Variants in RSPO2 observed in about 807,000 individuals in gnomAD.
RSPO2 encodes R-spondin 2.
A neutral mutation model predicts 30.9 loss-of-function variants in RSPO2; 14 were observed. The observed-to-expected ratio is 0.45, with a 90% CI of 0.30 to 0.71. The LOEUF is 0.71. Ranked by LOEUF, RSPO2 falls within the 30% of genes least tolerant of loss-of-function variation. The pLI, the probability that RSPO2 is intolerant of heterozygous loss-of-function variation, is 0.08. For synonymous variants in RSPO2, 107 were observed against 96.4 expected (o/e 1.11, Z -0.64); for missense variants, 264 against 301.9 (o/e 0.87, Z 0.93).
At chr8:107,920,944 T>C (rs1586543500) in intron 5 of RSPO2, among the ~76,000 whole-genome samples, 1 of 152,114 alleles carries the variant, frequency 6.6e-6, no homozygotes, top group African/African-American at 2.4e-5. Context: ...TGGAATGCAA[T>C]AGACAGCTGT....
intron 5 of RSPO2, among the ~76,000 whole-genome samples, chr8:107,925,815 C>T (rs1440192580): frequency 2.0e-5 from 3 of 152,142 alleles, no homozygotes; most frequent in Admixed American, 1.3e-4. Flanking sequence ...TGTTGGACAT[C>T]TGGGTTGGTT....
chr8:107,963,255 C>T (rs1813690335), intron 3 of RSPO2, among the ~76,000 whole-genome samples: 1 of 150,024 alleles, frequency 6.7e-6, no homozygotes, highest in African/African-American at 2.4e-5. Context: ...GACAAGTTGG[C>T]TGGGCATGGT....
intron 2 of RSPO2, among the ~76,000 whole-genome samples, chr8:108,069,212 C>T (rs1262115222): frequency 6.9e-6 from 1 of 145,014 alleles, no homozygotes; most frequent in East Asian, 1.9e-4. Context: ...CACACACACA[C>T]ACACACACAC....
chr8:107,936,401 G>T (rs915585255), intron 5 of RSPO2, among the ~76,000 whole-genome samples: 1 of 152,130 alleles, frequency 6.6e-6, no homozygotes, highest in Non-Finnish European at 1.5e-5. Flanking sequence ...GAATAGTGCT[G>T]CAATAAACAG....
At chr8:107,941,086 A>AC (rs1471550908) in intron 5 of RSPO2, among the ~76,000 whole-genome samples, 7 of 151,094 alleles carry the variant, frequency 4.6e-5, no homozygotes, top group African/African-American at 1.2e-4. Flanking sequence ...CACACATCTT[A>AC]CCCCCCAAAA....
At chr8:107,924,396 G>A (rs1812287074) in intron 5 of RSPO2, among the ~76,000 whole-genome samples, 2 of 152,086 alleles carry the variant, frequency 1.3e-5, no homozygotes, top group Admixed American at 1.3e-4. Context: ...TTTGAAAAGA[G>A]AGAGGAGGGG....
chr8:108,058,540 G>A (rs1291503158), intron 2 of RSPO2, among the ~76,000 whole-genome samples: 1 of 152,144 alleles, frequency 6.6e-6, no homozygotes, highest in Non-Finnish European at 1.5e-5. Context: ...GCATCGCCAA[G>A]TCAATCCTAA....
chr8:107,967,071 T>C (rs1268989040), intron 3 of RSPO2, among the ~76,000 whole-genome samples: 2 of 152,150 alleles, frequency 1.3e-5, no homozygotes, highest in African/African-American at 4.8e-5. Context: ...AAACAGGGCA[T>C]TTATTTAGTC....
rs749398150 is a variant in RSPO2 at position 108,082,653 on chromosome 8, G to A, written c.-15C>T. The A allele has an allele frequency of 1.9e-5, 30 of 1,607,490 alleles. No individual in the cohort carries two copies. The highest frequency in any genetic ancestry group is 1.6e-4 in the Middle Eastern group (1 of 6,070). Reference sequence around the variant, plus strand: ...CGAAACTGCATCTGGGCGGTCGGGCGGGGGAGAGACGCCTCTCAAAGTCTA... The same window carrying A: ...CGAAACTGCATCTGGGCGGTCGGGCAGGGGAGAGACGCCTCTCAAAGTCTA... On this transcript the variant is annotated 5_prime_UTR_variant, in exon 2 of 6. Coordinates refer to ENST00000276659, the MANE Select transcript of RSPO2 (RefSeq NM_178565.5).
At chr8:107,961,727 T>A (rs1239518773) in intron 3 of RSPO2, among the ~76,000 whole-genome samples, 2 of 152,162 alleles carry the variant, frequency 1.3e-5, no homozygotes, top group Non-Finnish European at 2.9e-5. Context: ...ACAAAACTAT[T>A]GTAAGGTTTT....
intron 2 of RSPO2, among the ~76,000 whole-genome samples, chr8:108,065,691 T>C (rs1204042573): frequency 6.6e-6 from 1 of 150,402 alleles, no homozygotes; most frequent in African/African-American, 2.4e-5. Context: ...TACTGTCCCC[T>C]GCCCACAGAA....
At chr8:107,954,831 G>T (rs1012366478) in intron 5 of RSPO2, among the ~76,000 whole-genome samples, 2 of 152,012 alleles carry the variant, frequency 1.3e-5, no homozygotes, top group Non-Finnish European at 2.9e-5. Context: ...GGATGGTCTC[G>T]ATTTATTGAC....
chr8:108,064,495 A>G (rs1330050888), intron 2 of RSPO2, among the ~76,000 whole-genome samples: 1 of 152,214 alleles, frequency 6.6e-6, no homozygotes, highest in Non-Finnish European at 1.5e-5. Flanking sequence ...ACCATTTAGA[A>G]TGGCAATCAT....
chr8:107,938,736 C>T (rs1388617772), intron 5 of RSPO2, among the ~76,000 whole-genome samples: 1 of 152,154 alleles, frequency 6.6e-6, no homozygotes, highest in African/African-American at 2.4e-5. Flanking sequence ...GAAATTTAAA[C>T]ACAACAAAAG....
intron 3 of RSPO2, among the ~76,000 whole-genome samples, chr8:107,963,340 C>G (rs1251863137): frequency 1.3e-5 from 2 of 151,326 alleles, no homozygotes; most frequent in Non-Finnish European, 2.9e-5. Context: ...TCAAGTTCAG[C>G]CTAGGCAACA....
intron 2 of RSPO2, chr8:108,081,839 C>A: frequency 1.1e-6 from 1 of 915,414 alleles, no homozygotes; most frequent in South Asian, 5.0e-5. Context: ...ATGGAGAGAG[C>A]GAAGTGGGGC....
chr8:107,926,469 C>T (rs1441638679), intron 5 of RSPO2, among the ~76,000 whole-genome samples: 2 of 152,078 alleles, frequency 1.3e-5, no homozygotes, highest in Non-Finnish European at 2.9e-5. Flanking sequence ...GACATGAAGT[C>T]CTTGCCCATG....
intron 2 of RSPO2, among the ~76,000 whole-genome samples, chr8:108,007,727 T>A (rs1368082715): frequency 6.6e-6 from 1 of 152,072 alleles, no homozygotes; most frequent in African/African-American, 2.4e-5. Context: ...ATAAAGAATG[T>A]GGCAGAAGGA....
intron 2 of RSPO2, among the ~76,000 whole-genome samples, chr8:107,990,277 T>C (rs1414844026): frequency 6.6e-6 from 1 of 152,048 alleles, no homozygotes; most frequent in African/African-American, 2.4e-5. Flanking sequence ...TTCCAATACA[T>C]GATTAGTAGT....
Sources: gnomAD v4.1 joint callset for allele counts (sites outside exome capture counted in the v4.1 genomes callset) on GRCh38, gnomAD v4.1.1 for gene constraint, MANE v1.5 for transcripts, NCBI Gene and HGNC (gene_info 2026-07-23, HGNC 2026-07-21) for gene names.